The following TIAM1 variants were observed in gnomAD, a reference collection of about 807,000 sequenced individuals.
The protein encoded by TIAM1 is rho guanine nucleotide exchange factor TIAM1.
In TIAM1, 65 loss-of-function variants were observed where a neutral mutation model predicts 163.5. That is an observed-to-expected ratio of 0.40 (90% CI 0.33 to 0.49). TIAM1 has a LOEUF of 0.49. Among genes scored for constraint, TIAM1 ranks in the 20% least tolerant of loss-of-function variants. The pLI is 0.77. For missense variants in TIAM1, 1,789 were observed against 2,044.7 expected (o/e 0.87, Z 2.41); for synonymous variants, 833 against 810.1 (o/e 1.03, Z -0.48).
intron 11 of TIAM1, among the ~76,000 whole-genome samples, 157 bp downstream of exon 11, chr21:31,209,888 C>T (rs7282059): frequency 0.94 from 143,735 of 152,312 alleles, 67,897 homozygotes; most frequent in Middle Eastern, 1. Flanking sequence ...ATTTTGAATA[C>T]TATCACAAAG....
intron 15 of TIAM1, among the ~76,000 whole-genome samples, chr21:31,166,278 G>C (rs2084210059): frequency 1.3e-5 from 2 of 152,172 alleles, no homozygotes; most frequent in Non-Finnish European, 2.9e-5. Flanking sequence ...TGAGGCACTG[G>C]ATCACGGACT....
chr21:31,172,726 G>A (rs371194441), intron 15 of TIAM1, among the ~76,000 whole-genome samples: 3 of 152,058 alleles, frequency 2.0e-5, no homozygotes, highest in African/African-American at 4.8e-5. Context: ...TATAGAGCCC[G>A]GCGCAGTGGC....
chr21:31,231,879 G>A (rs1031005386), intron 6 of TIAM1, among the ~76,000 whole-genome samples: 2 of 152,068 alleles, frequency 1.3e-5, no homozygotes, highest in Non-Finnish European at 2.9e-5. Context: ...TGGGCATGGT[G>A]GCACATGCCT....
chr21:31,196,587 A>T (rs967656423), intron 12 of TIAM1, among the ~76,000 whole-genome samples: 17 of 151,324 alleles, frequency 1.1e-4, no homozygotes, highest in African/African-American at 4.1e-4. Context: ...CCCAAAGTGC[A>T]GGAATTACAG....
At chr21:31,442,066 A>AAAAAAAAAAAAAAAAAAAAAAAAAT in intron 2 of TIAM1, among the ~76,000 whole-genome samples, 2 of 18,778 alleles carry the variant, frequency 1.1e-4, no homozygotes, top group African/African-American at 4.9e-4. Context: ...AGAACAAATA[A>AAAAAAAAAAAAAAAAAAAAAAAAAT]ATAAATATAT....
rs951907703 is a variant in TIAM1, at chr21:31,496,750, A to G, written c.-421-32715T>C. Reference sequence around the variant, plus strand: ...ACTCACCGCAACTTCCAGTCCTGCAAGCTCCACTCATGGCAAGCACCCTAT... The same window carrying G: ...ACTCACCGCAACTTCCAGTCCTGCAGGCTCCACTCATGGCAAGCACCCTAT... On this transcript the variant is annotated intron_variant, in intron 1 of 28. Transcript: ENST00000286827. Among the ~76,000 whole-genome samples the G allele has an allele frequency of 2.4e-4, 37 of 152,094 alleles. 1 individual carries two copies. The highest frequency in any genetic ancestry group is 5.9e-5 in the Non-Finnish European group (4 of 68,038).
At chr21:31,225,996 A>T in intron 6 of TIAM1, 46 bp from the exon 7 acceptor site, 1 of 1,552,702 alleles carries the variant, frequency 6.4e-7, no homozygotes, top group Non-Finnish European at 8.8e-7. Context: ...CCTCTTAGGA[A>T]CTTAAGAGAA....
At position 31,521,895 on chromosome 21, in the gene TIAM1, G is replaced by A. The variant is rs553968494; in HGVS notation, c.-422+37032C>T. 1.4e-4 allele frequency among the ~76,000 whole-genome samples: 22 copies of A among 151,928 alleles called. No individual in the cohort carries two copies. The South Asian group carries it at 2.7e-3, about 19-fold the overall frequency. Reference sequence around the variant, plus strand: ...CTTAATAATTCTTTTTTTTGGAGACGGAGTCTCTCTCTGTCGCCCAGGCTG... The same window carrying A: ...CTTAATAATTCTTTTTTTTGGAGACAGAGTCTCTCTCTGTCGCCCAGGCTG... On this transcript the variant is annotated intron_variant, in intron 1 of 28. Transcript: ENST00000286827.
intron 1 of TIAM1, among the ~76,000 whole-genome samples, chr21:31,503,187 G>C (rs1352766141): frequency 1.3e-5 from 2 of 151,940 alleles, no homozygotes; most frequent in Non-Finnish European, 2.9e-5. Context: ...TTGAGATCAG[G>C]AGTTCAAGAC....
At chr21:31,309,726 C>T (rs1187770574) in intron 2 of TIAM1, among the ~76,000 whole-genome samples, 7 of 152,158 alleles carry the variant, frequency 4.6e-5, no homozygotes, top group Non-Finnish European at 1.0e-4. Context: ...TTAAGGGCAT[C>T]TCTGAAGTCA....
chr21:31,533,819 G>C (rs1487833322), intron 1 of TIAM1, among the ~76,000 whole-genome samples: 1 of 152,194 alleles, frequency 6.6e-6, no homozygotes, highest in African/African-American at 2.4e-5. Flanking sequence ...TGTAGTTTAT[G>C]CTGACAGTAC....
rs111536576 is a variant in TIAM1, at chr21:31,120,738, T to C, written c.4406A>G (p.Lys1469Arg). 0.012 allele frequency: 20,065 copies of C among 1,614,090 alleles called. 157 individuals are homozygous for C. The highest frequency in any genetic ancestry group is 0.015 in the Non-Finnish European group (17,683 of 1,180,004). ...ACCACCGGGGGGCTGCTGGGACTCT[T>C]TCTCCGGGCTGCTTGCGGAGACGGC... The part of the protein sequence containing the change: ...SDAVSASSPE[K>R]ESQQPPGGGD... The change falls in exon 28 of 28, where the codon AAA (lysine) becomes AGA (arginine). Residue 1469 changes from lysine to arginine, a missense_variant. Coordinates refer to ENST00000541036, the MANE Select transcript of TIAM1 (RefSeq NM_001353694.2). The surrounding 1 kb of genome is among the most constrained non-coding windows in gnomAD (Gnocchi z 4.2).
intron 2 of TIAM1, among the ~76,000 whole-genome samples, chr21:31,439,415 G>A (rs562332531): frequency 1.4e-4 from 21 of 152,116 alleles, no homozygotes; most frequent in East Asian, 5.8e-4. Context: ...TCAGCCTCCC[G>A]GGTAGCTGGG....
At chr21:31,127,033 A>T (rs1333185507) in intron 26 of TIAM1, 32 bp downstream of exon 26, 10 of 1,609,150 alleles carry the variant, frequency 6.2e-6, no homozygotes, top group Non-Finnish European at 7.7e-6. Context: ...AGAAATGTCA[A>T]CACGGCCTCG....
chr21:31,484,154 C>G (rs2046200641), intron 1 of TIAM1, among the ~76,000 whole-genome samples: 3 of 152,238 alleles, frequency 2.0e-5, no homozygotes. Flanking sequence ...TGCTGGCTCC[C>G]TGATCTTGGA....
At chr21:31,353,362 C>T (rs1489035504) in intron 2 of TIAM1, among the ~76,000 whole-genome samples, 1 of 152,160 alleles carries the variant, frequency 6.6e-6, no homozygotes, top group Non-Finnish European at 1.5e-5. Flanking sequence ...GTGAGAATTG[C>T]GGGTCAGCCA....
chr21:31,430,225 A>AT (rs1177898443), intron 2 of TIAM1, among the ~76,000 whole-genome samples: 6,833 of 89,388 alleles, frequency 0.076, 261 homozygotes, highest in East Asian at 0.18. Context: ...AAAAAAAAAA[A>AT]ATATATATAT....
rs529437856 is a variant in TIAM1 at position 31,248,096 on chromosome 21, C to A, written c.1412-2436G>T. The stretch of plus-strand genomic sequence containing the variant: ...GACAGCCCTCACAACAAATAATTAT[C>A]CAGAAAATGTCAACAGTGTCACTGT... On this transcript the variant is annotated intron_variant, in intron 5 of 27. Transcript: ENST00000541036. Among the ~76,000 whole-genome samples the A allele has an allele frequency of 1.6e-3, 246 of 152,236 alleles. 1 individual carries two copies. Among genetic ancestry groups the A allele is most frequent in the African/African-American group, 5.7e-3 (237 of 41,550 alleles).
chr21:31,286,626 T>C (rs2073820417), intron 2 of TIAM1, among the ~76,000 whole-genome samples: 1 of 151,972 alleles, frequency 6.6e-6, no homozygotes, highest in Admixed American at 6.6e-5. Context: ...CCCGGGAGGA[T>C]CACTTAAGCC....
Sources: allele counts gnomAD v4.1 joint callset (sites outside exome capture counted in the v4.1 genomes callset), GRCh38; gene constraint gnomAD v4.1.1; non-coding constraint Gnocchi (gnomAD v3.1); transcripts MANE v1.5; gene names NCBI Gene and HGNC (gene_info 2026-07-23, HGNC 2026-07-21).